PCDHA4: variants seen among roughly 807,000 people sequenced by gnomAD.
The protein encoded by PCDHA4 is protocadherin alpha 4.
PCDHA4 carries 49 observed loss-of-function variants against 61.4 expected under a neutral mutation model. The ratio of observed to expected loss-of-function variants is 0.80; its 90% confidence interval spans 0.63 to 1.01. PCDHA4 has a LOEUF of 1.01. PCDHA4 is among the 50% of genes least tolerant of loss of function. The pLI is 0.00. For missense variants in PCDHA4, 1,254 were observed against 1,235.8 expected (o/e 1.01, Z -0.22); for synonymous variants, 590 against 550.3 (o/e 1.07, Z -1.01).
In PCDHA4 at chr5:140,808,340, G is replaced by C; in HGVS notation, c.1153G>C (p.Val385Leu). 6.2e-7 allele frequency: 1 copy of C among 1,614,254 alleles called. No individual in the cohort carries two copies. Among genetic ancestry groups the C allele is most frequent in the Non-Finnish European group, 8.5e-7 (1 of 1,180,054 alleles). ...CAAAGACATGGGTGTCAATGGGCTG[G>C]TCACCTGCTCCTTGACGTCCCACGT... ...SDKDMGVNGL[V>L]TCSLTSHVPF... is the part of the protein sequence containing the mutation. Residue 385 changes from valine (V) to leucine (L), a missense_variant, in exon 1 of 4, where the codon GTC (valine) becomes CTC (leucine). Val to Leu is a conservative substitution (Grantham distance 32). Transcript: ENST00000530339.
At chr5:140,832,832 C>G (rs2150204585) in intron 1 of PCDHA4, among the ~76,000 whole-genome samples, 3 of 152,178 alleles carry the variant, frequency 2.0e-5, no homozygotes, top group Admixed American at 1.3e-4. Flanking sequence ...GCCTTTTTCC[C>G]TTGTTGAAGG....
chr5:140,978,802 T>C, intron 1 of PCDHA4, 147 bp from the exon 2 acceptor site: 1 of 1,483,264 alleles, frequency 6.7e-7, no homozygotes, highest in Non-Finnish European at 9.0e-7. Flanking sequence ...TATGTAGATA[T>C]CATCATAGAG....
Position 140,809,585 on chromosome 5 carries a change from C to T in PCDHA4, c.2385+13C>T. ...ATCCTTTGCAAAGGTTAGTGTATAA[C>T]ATCCTTTTGTTTAATTTTCGTATTG... On this transcript the variant is annotated intron_variant, in intron 1 of 3. Coordinates refer to ENST00000530339, the MANE Select transcript of PCDHA4 (RefSeq NM_018907.4). 6.5e-7 allele frequency: 1 copy of T among 1,544,650 alleles called. No homozygotes were observed. Among genetic ancestry groups the T allele is most frequent in the Non-Finnish European group, 8.7e-7 (1 of 1,143,980 alleles).
intron 1 of PCDHA4, among the ~76,000 whole-genome samples, chr5:140,874,252 G>A (rs532178726): frequency 6.6e-6 from 1 of 152,286 alleles, no homozygotes; most frequent in Non-Finnish European, 1.5e-5. Flanking sequence ...TTGGTTTAAA[G>A]ATTTTGACTT....
At chr5:140,826,404 G>T (rs1027419773) in intron 1 of PCDHA4, among the ~76,000 whole-genome samples, 2 of 152,092 alleles carry the variant, frequency 1.3e-5, no homozygotes, top group Non-Finnish European at 2.9e-5. Context: ...ATAGATCCAG[G>T]TTAATTATTT....
At chr5:140,953,988 A>G (rs1554221181) in intron 1 of PCDHA4, among the ~76,000 whole-genome samples, 1 of 151,898 alleles carries the variant, frequency 6.6e-6, no homozygotes, top group African/African-American at 2.4e-5. Flanking sequence ...TCATATTTTC[A>G]TGTGTACTCA....
intron 1 of PCDHA4, chr5:140,861,034 G>A (rs1262696550): frequency 1.3e-5 from 2 of 152,270 alleles, no homozygotes; most frequent in Admixed American, 6.5e-5. Context: ...CGGCCGAAAG[G>A]TATTTTTTTT....
At chr5:140,848,690 G>T in intron 1 of PCDHA4, 2 of 1,592,462 alleles carry the variant, frequency 1.3e-6, no homozygotes, top group Non-Finnish European at 1.7e-6. Context: ...GCCTGTTCCA[G>T]TTGGATTCCA....
chr5:140,869,903 C>G, intron 1 of PCDHA4: 1 of 1,610,648 alleles, frequency 6.2e-7, no homozygotes. Flanking sequence ...CTAAACGCCA[C>G]AGACCGAGAC....
intron 3 of PCDHA4, among the ~76,000 whole-genome samples, chr5:141,000,395 C>CTATA (rs1190667031): frequency 1.7e-4 from 9 of 53,980 alleles, no homozygotes; most frequent in Admixed American, 6.3e-4. Flanking sequence ...CTCTCTCTCT[C>CTATA]TATATATATA....
chr5:140,834,624 A>G (rs2150222938), intron 1 of PCDHA4: 1 of 1,614,104 alleles, frequency 6.2e-7, no homozygotes, highest in East Asian at 2.2e-5. Context: ...AAATCTGCAG[A>G]ATGGCATTTT....
At chr5:140,965,689 A>T (rs2095924180) in intron 1 of PCDHA4, among the ~76,000 whole-genome samples, 2 of 152,266 alleles carry the variant, frequency 1.3e-5, no homozygotes, top group African/African-American at 4.8e-5. Context: ...TTGAAGCAAG[A>T]TTAGAAAAAG....
At position 140,858,707 on chromosome 5, in the gene PCDHA4, A is replaced by G. The variant is rs1234055961; in HGVS notation, c.2385+49135A>G. On this transcript the variant is annotated intron_variant, in intron 1 of 3. Transcript: ENST00000530339. The stretch of plus-strand genomic sequence containing the variant: ...TAATATTTTCCAATACAAATATGTG[A>G]TATAGGTTGCAGTTCTGACGATTTA... 2 of 547,800 alleles carry G rather than the reference A, an allele frequency of 3.7e-6. 1 individual carries two copies. Among genetic ancestry groups the G allele is most frequent in the Non-Finnish European group, 6.3e-6 (2 of 316,316 alleles). The allele number at this position is 547,800 out of a possible 1,614,324, so 33.9% of individuals were successfully genotyped here.
In PCDHA4 at chr5:141,010,171, A is replaced by G. The variant is rs2098416277; in HGVS notation, c.*234A>G. On this transcript the variant is annotated 3_prime_UTR_variant, in exon 4 of 4. Transcript: ENST00000530339. ...CCACTCTGGCTTGTTTTCAGAACCTAAAAAGCAGACCCAAGTTTCCTTTCT... is the reference window on the plus strand; with the variant it reads ...CCACTCTGGCTTGTTTTCAGAACCTGAAAAGCAGACCCAAGTTTCCTTTCT... The G allele has an allele frequency of 3.2e-6, 5 of 1,559,030 alleles. No individual in the cohort carries two copies. Among genetic ancestry groups the G allele is most frequent in the Non-Finnish European group, 4.3e-6 (5 of 1,150,704 alleles).
At chr5:140,920,269 A>G (rs1342153832) in intron 1 of PCDHA4, among the ~76,000 whole-genome samples, 1 of 152,224 alleles carries the variant, frequency 6.6e-6, no homozygotes, top group Non-Finnish European at 1.5e-5. Flanking sequence ...TTATTACTTT[A>G]TGTAATCTTA....
At chr5:140,899,336 A>G (rs2067275819) in intron 1 of PCDHA4, among the ~76,000 whole-genome samples, 1 of 152,130 alleles carries the variant, frequency 6.6e-6, no homozygotes, top group Non-Finnish European at 1.5e-5. Context: ...TTTGTCATAG[A>G]TAGCTCTTAT....
intron 1 of PCDHA4, chr5:140,926,696 C>A: frequency 1.3e-6 from 1 of 771,792 alleles, no homozygotes; most frequent in Non-Finnish European, 1.9e-6. Context: ...GCAAGCCCGG[C>A]TCCCAGCTGG....
intron 1 of PCDHA4, among the ~76,000 whole-genome samples, chr5:140,891,443 T>C (rs1181273099): frequency 6.7e-6 from 1 of 148,474 alleles, no homozygotes; most frequent in Non-Finnish European, 1.5e-5. Flanking sequence ...GTCCATTGTA[T>C]AGGATTTTTG....
chr5:140,830,347 G>A (rs1771011399), intron 1 of PCDHA4: 5 of 1,614,100 alleles, frequency 3.1e-6, no homozygotes, highest in Non-Finnish European at 2.5e-6. Context: ...CGTACTCGCA[G>A]CAGAGGCGGC....
Sources: gnomAD v4.1 joint callset for allele counts (sites outside exome capture counted in the v4.1 genomes callset) on GRCh38, gnomAD v4.1.1 for gene constraint, MANE v1.5 for transcripts, NCBI Gene and HGNC (gene_info 2026-07-23, HGNC 2026-07-21) for gene names.